Variants in FBXW7 observed in about 807,000 individuals in gnomAD.
FBXW7 encodes the protein F-box and WD repeat domain containing 7.
A neutral mutation model predicts 86.3 loss-of-function variants in FBXW7; 11 were observed. The observed-to-expected ratio is 0.13, with a 90% CI of 0.08 to 0.21. The LOEUF (loss-of-function observed/expected upper bound fraction) is 0.21, where lower values mean the gene tolerates loss of function less well. Among genes scored for constraint, FBXW7 ranks in the 10% least tolerant of loss-of-function variants. The probability of loss-of-function intolerance (pLI) is 1.00; values close to 1 mark genes in which losing one functional copy is unlikely to be tolerated. For missense variants in FBXW7, 488 were observed against 847.4 expected, an observed-to-expected ratio of 0.58 and a Z score of 5.27; for synonymous variants, 313 against 297.9, an observed-to-expected ratio of 1.05 and a Z score of -0.52.
chr4:152,376,613 C>G (rs951987913), intron 4 of FBXW7, among the ~76,000 whole-genome samples: 1 of 151,894 alleles, frequency 6.6e-6, no homozygotes, highest in African/African-American at 2.4e-5. Context: ...ATAGGCTTGT[C>G]TATTATCATG....
At chr4:152,387,537 A>C (rs1735628327) in intron 4 of FBXW7, among the ~76,000 whole-genome samples, 1 of 151,846 alleles carries the variant, frequency 6.6e-6, no homozygotes, top group Non-Finnish European at 1.5e-5. Context: ...ACAGAGGAAA[A>C]CAATCATAAA....
intron 2 of FBXW7, among the ~76,000 whole-genome samples, chr4:152,521,809 ATT>A (rs575881137): frequency 3.0e-5 from 3 of 100,742 alleles, no homozygotes; most frequent in African/African-American, 1.4e-4. Flanking sequence ...TAAGGGTCCA[ATT>A]TTTTTTTTTT....
At chr4:152,504,252 T>C (rs1747210168) in intron 2 of FBXW7, among the ~76,000 whole-genome samples, 1 of 152,146 alleles carries the variant, frequency 6.6e-6, no homozygotes, top group African/African-American at 2.4e-5. Context: ...TTATAAGAAC[T>C]TTCTTATAAA....
At chr4:152,353,416 G>A (rs1431048789) in intron 4 of FBXW7, among the ~76,000 whole-genome samples, 1 of 152,120 alleles carries the variant, frequency 6.6e-6, no homozygotes, top group Non-Finnish European at 1.5e-5. Flanking sequence ...CATTGCCTAT[G>A]CTTTTCCATT....
intron 2 of FBXW7, among the ~76,000 whole-genome samples, chr4:152,483,009 T>C (rs912263302): frequency 2.0e-5 from 3 of 152,184 alleles, no homozygotes; most frequent in African/African-American, 7.2e-5. Flanking sequence ...GATCTTATTC[T>C]TTTTAATCAG....
At chr4:152,480,692 C>A (rs1027680444) in intron 2 of FBXW7, among the ~76,000 whole-genome samples, 10 of 152,148 alleles carry the variant, frequency 6.6e-5, no homozygotes, top group Non-Finnish European at 1.3e-4. Context: ...CAAGAAAGAG[C>A]CTTACTGCTA....
At chr4:152,465,843 CAAA>C (rs33966110) in intron 2 of FBXW7, among the ~76,000 whole-genome samples, 12 of 117,246 alleles carry the variant, frequency 1.0e-4, no homozygotes, top group Admixed American at 8.8e-5. Context: ...GACTCTTTCT[CAAA>C]AAAAAAAAAA....
chr4:152,324,504 G>T, intron 12 of FBXW7, 110 bp from the exon 13 acceptor site: 1 of 824,478 alleles, frequency 1.2e-6, no homozygotes, highest in African/African-American at 1.7e-5. Flanking sequence ...GGTAATGCCA[G>T]GAACAAAATG....
At chr4:152,348,348 G>A (rs1365677933) in intron 5 of FBXW7, among the ~76,000 whole-genome samples, 1 of 151,642 alleles carries the variant, frequency 6.6e-6, no homozygotes, top group Admixed American at 6.6e-5. Context: ...AATAAAATAG[G>A]ATATGTTTAT....
At chr4:152,486,301 C>T (rs1043027804) in intron 2 of FBXW7, among the ~76,000 whole-genome samples, 2 of 152,208 alleles carry the variant, frequency 1.3e-5, no homozygotes, top group East Asian at 1.9e-4. Flanking sequence ...TATTTTTAAA[C>T]ATTTTCTTTC....
At chr4:152,483,818 T>C (rs375805927) in intron 2 of FBXW7, among the ~76,000 whole-genome samples, 1 of 152,186 alleles carries the variant, frequency 6.6e-6, no homozygotes, top group South Asian at 2.1e-4. Flanking sequence ...ACCCTATTCC[T>C]GTATCACTAG....
chr4:152,372,400 T>C (rs1734084778), intron 4 of FBXW7, among the ~76,000 whole-genome samples: 2 of 152,014 alleles, frequency 1.3e-5, no homozygotes, highest in African/African-American at 4.8e-5. Context: ...TTTTGAATTG[T>C]AGAAAGGTAA....
At chr4:152,360,315 C>T (rs964515106) in intron 4 of FBXW7, among the ~76,000 whole-genome samples, 41 of 152,188 alleles carry the variant, frequency 2.7e-4, no homozygotes, top group African/African-American at 9.6e-4. Context: ...CAGGCATTCA[C>T]ACTAGAAATC....
chr4:152,506,459 T>C (rs1304677495), intron 2 of FBXW7, among the ~76,000 whole-genome samples: 1 of 152,212 alleles, frequency 6.6e-6, no homozygotes, highest in African/African-American at 2.4e-5. Context: ...CGACTGGCAG[T>C]GCAGAAGATT....
chr4:152,324,407 C>A lies in FBXW7; in HGVS notation c.1645-13G>T, dbSNP rs2126481047. ...GGATACCATCAAACTACAAAAGACA[C>A]AGTTTATTAGAATAGAAGTATGGAT... On this transcript the variant is annotated splice_polypyrimidine_tract_variant and intron_variant, in intron 12 of 13. Transcript: ENST00000281708. 6.4e-7 allele frequency: 1 copy of A among 1,559,728 alleles called. No individual in the cohort carries two copies. The highest frequency in any genetic ancestry group is 1.2e-5 in the South Asian group (1 of 86,348).
intron 2 of FBXW7, among the ~76,000 whole-genome samples, chr4:152,507,424 A>C (rs1308217252): frequency 6.6e-6 from 1 of 152,250 alleles, no homozygotes; most frequent in Non-Finnish European, 1.5e-5. Context: ...CCCATGAAAT[A>C]ACATATTTGA....
At chr4:152,438,012 T>C (rs1266183415) in intron 2 of FBXW7, among the ~76,000 whole-genome samples, 3 of 151,922 alleles carry the variant, frequency 2.0e-5, no homozygotes, top group African/African-American at 7.2e-5. Context: ...CGGTCTCTAC[T>C]AAAAATATAA....
At chr4:152,356,341 A>C (rs1578976757) in intron 4 of FBXW7, among the ~76,000 whole-genome samples, 1 of 152,220 alleles carries the variant, frequency 6.6e-6, no homozygotes, top group East Asian at 1.9e-4. Context: ...ATATATTACA[A>C]TCAGTACTAA....
At position 152,330,920 on chromosome 4, in the gene FBXW7, T is replaced by C. The variant is rs371688092; in HGVS notation, c.986-52A>G. 3.1e-5 allele frequency: 48 copies of C among 1,554,604 alleles called. No homozygotes were observed. In the East Asian group the frequency reaches 6.8e-4, roughly 22 times the overall value. On this transcript the variant is annotated intron_variant, in intron 8 of 13. Transcript: ENST00000281708. ...TTGCCTTCACCAATAATAACAGTTA[T>C]ACATTTTATAAAGTATTCCATCTTT...
Sources: allele counts gnomAD v4.1 joint callset (sites outside exome capture counted in the v4.1 genomes callset), GRCh38; gene constraint gnomAD v4.1.1; transcripts MANE v1.5; gene names NCBI Gene and HGNC (gene_info 2026-07-23, HGNC 2026-07-21).